The following IGSF3 variants were observed in gnomAD, a reference collection of about 807,000 sequenced individuals.
IGSF3 encodes glu-Trp-Ile EWI motif-containing protein 3.
Under a neutral mutation model 114.4 loss-of-function variants are expected in IGSF3, and 23 were observed. The ratio of observed to expected loss-of-function variants is 0.20; its 90% CI spans 0.14 to 0.28. The LOEUF is 0.28. IGSF3 is among the 10% of genes least tolerant of loss of function. The pLI is 1.00. For synonymous variants in IGSF3, 571 were observed against 645.2 expected, an observed-to-expected ratio of 0.88 and a Z score of 1.74; for missense variants, 1,172 against 1,591.5, an observed-to-expected ratio of 0.74 and a Z score of 4.48.
At position 116,596,308 on chromosome 1, in the gene IGSF3, G is replaced by A. The variant is rs112271091; in HGVS notation, c.2029+3633C>T. ...TATTTAACACAATATTCTTTAAAAC[G>A]GGGGTAGCAGGGGACATTTCTATGG... is the stretch of plus-strand genomic sequence containing the variant. On this transcript the variant is annotated intron_variant, in intron 7 of 10. Transcript: ENST00000369486. The surrounding 1 kb of genome is among the most constrained non-coding windows in gnomAD (Gnocchi z 4.1). Among the ~76,000 whole-genome samples, 3 of 152,136 alleles carry A rather than the reference G, an allele frequency of 2.0e-5. No homozygotes were observed. Among genetic ancestry groups the A allele is most frequent in the Non-Finnish European group, 2.9e-5 (2 of 68,030 alleles).
chr1:116,613,064 T>C (rs1188482884), intron 4 of IGSF3, among the ~76,000 whole-genome samples: 1 of 152,206 alleles, frequency 6.6e-6, no homozygotes. Flanking sequence ...ACAGTGGAAC[T>C]TGGTACTCTC....
Position 116,584,704 on chromosome 1 carries a change from A to G in IGSF3, c.2789T>C (p.Met930Thr), listed in dbSNP as rs1370045205. Residue 930 changes from methionine to threonine, a missense_variant, in exon 9 of 11, where the codon ATG becomes ACG. Transcript: ENST00000369486. The surrounding 1 kb of genome is among the most constrained non-coding windows in gnomAD (Gnocchi z 5.8). The part of the protein sequence containing the change: ...VEEWLPSPSG[M>T]WYKRAEDTAG... ...GGTGTCCTCTGCCCGCTTATACCAC[A>G]TGCCACTGGGGCTGGGCAGCCACTC... 1.1e-5 allele frequency: 17 copies of G among 1,613,746 alleles called. No individual in the cohort carries two copies. Among genetic ancestry groups the G allele is most frequent in the Non-Finnish European group, 1.4e-5 (17 of 1,179,714 alleles).
Position 116,657,892 on chromosome 1 carries a change from C to T in IGSF3, c.43+8392G>A, listed in dbSNP as rs1229139372. ...ACTGCACTACATCAAAGAAAGAACA[C>T]ACAACTGGTATCAGATTTTTTTTTC... On this transcript the variant is annotated intron_variant, in intron 2 of 10. Coordinates refer to ENST00000369486, the MANE Select transcript of IGSF3 (RefSeq NM_001007237.3). This position sits in a 1 kb window ranked among gnomAD's most constrained non-coding sequence, Gnocchi z 4.2. Among the ~76,000 whole-genome samples the T allele has an allele frequency of 6.6e-6, 1 of 152,118 alleles. No homozygotes were observed. The highest frequency in any genetic ancestry group is 2.4e-5 in the African/African-American group (1 of 41,418).
In IGSF3 at chr1:116,647,977, G is replaced by A. The variant is rs574686915; in HGVS notation, c.43+18307C>T. Among the ~76,000 whole-genome samples, 1 of 152,162 alleles carries A rather than the reference G, an allele frequency of 6.6e-6. No individual in the cohort carries two copies. The highest frequency in any genetic ancestry group is 2.4e-5 in the African/African-American group (1 of 41,430). The stretch of plus-strand genomic sequence containing the variant: ...AAATTAGCTGGGTGTGATGGCACAC[G>A]CCTGTAATCCTAGTTACTCGGGAGG... On this transcript the variant is annotated intron_variant, in intron 2 of 10. Transcript: ENST00000369486. This position sits in a 1 kb window ranked among gnomAD's most constrained non-coding sequence, Gnocchi z 4.6.
Position 116,650,296 on chromosome 1 carries a change from TCTGCTGGCCTCAACAAAC to T in IGSF3, c.43+15970_43+15987del, listed in dbSNP as rs1413471048. ...TCAGGGTTTTTCCCATCTCTTCCCG[TCTGCTGGCCTCAACAAAC>T]CTGCTTTCCTCATTGCAACAAGATG... is the stretch of plus-strand genomic sequence containing the variant. On this transcript the variant is annotated intron_variant, in intron 2 of 10. Coordinates refer to ENST00000369486, the MANE Select transcript of IGSF3 (RefSeq NM_001007237.3). The surrounding 1 kb of genome is among the most constrained non-coding windows in gnomAD (Gnocchi z 5.0). Among the ~76,000 whole-genome samples the T allele has an allele frequency of 2.0e-5, 3 of 152,214 alleles. No individual in the cohort carries two copies. Among genetic ancestry groups the T allele is most frequent in the Non-Finnish European group, 2.9e-5 (2 of 68,038 alleles).
chr1:116,604,139 C>T lies in IGSF3; in HGVS notation c.1223-114G>A. 3.1e-6 allele frequency: 3 copies of T among 971,520 alleles called. No individual in the cohort carries two copies. In the East Asian group the frequency reaches 7.9e-5, roughly 26 times the overall value. 60.2% of individuals were successfully genotyped at this position (971,520 alleles called of 1,614,324 possible). On this transcript the variant is annotated intron_variant, in intron 5 of 10. Coordinates refer to ENST00000369486, the MANE Select transcript of IGSF3 (RefSeq NM_001007237.3). ...GGAATCATATTCAGGTACGGTGAGC[C>T]TCAGAGGGTCAAAAACACTCTGACC...
rs890116344 is a variant in IGSF3 at position 116,583,566 on chromosome 1, A to C, written c.2848+1079T>G. 2.6e-5 allele frequency among the ~76,000 whole-genome samples: 4 copies of C among 152,186 alleles called. No individual in the cohort carries two copies. Among genetic ancestry groups the C allele is most frequent in the Admixed American group, 2.0e-4 (3 of 15,284 alleles). ...CAACGAAATGAGCTGCTCTACTCAG[A>C]CATGAAGACATGGTGAAAACTTCCA... On this transcript the variant is annotated intron_variant, in intron 9 of 10. Coordinates refer to ENST00000369486, the MANE Select transcript of IGSF3 (RefSeq NM_001007237.3). This position sits in a 1 kb window ranked among gnomAD's most constrained non-coding sequence, Gnocchi z 4.5.
In IGSF3 at chr1:116,595,857, A is replaced by G. The variant is rs1660321032; in HGVS notation, c.2029+4084T>C. Among the ~76,000 whole-genome samples the G allele has an allele frequency of 6.6e-6, 1 of 152,252 alleles. No homozygotes were observed. The highest frequency in any genetic ancestry group is 2.4e-5 in the African/African-American group (1 of 41,464). ...TTATGCTTCACAATTAAAAGAGAAA[A>G]GAACTGATTAAGAGCTAATAATCAA... On this transcript the variant is annotated intron_variant, in intron 7 of 10. Transcript: ENST00000369486. The surrounding 1 kb of genome is among the most constrained non-coding windows in gnomAD (Gnocchi z 4.2).
rs994543568 is a variant in IGSF3, at chr1:116,662,022, C to G, written c.43+4262G>C. Among the ~76,000 whole-genome samples, 1 of 151,958 alleles carries G rather than the reference C, an allele frequency of 6.6e-6. No individual in the cohort carries two copies. Among genetic ancestry groups the G allele is most frequent in the South Asian group, 2.1e-4 (1 of 4,822 alleles). On this transcript the variant is annotated intron_variant, in intron 2 of 10. Transcript: ENST00000369486. This position sits in a 1 kb window ranked among gnomAD's most constrained non-coding sequence, Gnocchi z 4.3. ...TAGAGAGCATGCACATGGAGCAAGA[C>G]AGCAGGAGCTTGGAGCCCTAACACT...
rs1168931566 is a variant in IGSF3, at chr1:116,588,951, T to C, written c.2183A>G (p.Lys728Arg). Reference protein sequence around the residue: ...YVHKPSDADGKLILKTTHNSA... With the variant: ...YVHKPSDADGRLILKTTHNSA... The stretch of plus-strand genomic sequence containing the variant: ...GTTGTGGGTGGTCTTCAGGATAAGC[T>C]TGCCATCGGCATCCGAGGGCTTGTG... The change falls in exon 8 of 11, where the codon AAG (lysine) becomes AGG (arginine). Residue 728 changes from lysine (K) to arginine (R), a missense_variant. Transcript: ENST00000369486. The surrounding 1 kb of genome is among the most constrained non-coding windows in gnomAD (Gnocchi z 4.9). 3 of 1,614,048 alleles carry C rather than the reference T, an allele frequency of 1.9e-6. No homozygotes were observed. Among genetic ancestry groups the C allele is most frequent in the Non-Finnish European group, 2.5e-6 (3 of 1,180,030 alleles).
Position 116,589,152 on chromosome 1 carries a change from G to A in IGSF3, c.2030-48C>T, listed in dbSNP as rs753023430. Reference sequence around the variant, plus strand: ...GGAATCACCACAGACTCCCAGAAACGTGGCCCATCCACCTCCAGGCTCTGA... The same window carrying A: ...GGAATCACCACAGACTCCCAGAAACATGGCCCATCCACCTCCAGGCTCTGA... On this transcript the variant is annotated intron_variant, in intron 7 of 10. Coordinates refer to ENST00000369486, the MANE Select transcript of IGSF3 (RefSeq NM_001007237.3). This position sits in a 1 kb window ranked among gnomAD's most constrained non-coding sequence, Gnocchi z 5.7. 1.1e-5 allele frequency: 17 copies of A among 1,543,562 alleles called. No homozygotes were observed. Among genetic ancestry groups the A allele is most frequent in the South Asian group, 4.8e-5 (4 of 83,466 alleles).
In IGSF3 at chr1:116,574,777, A is replaced by T. The variant is rs1311695092; in HGVS notation, c.*2535T>A. ...ACTAAAGCTCCAGTAGACAATGCGC[A>T]ATGAGGTCTCACAGCCACTGGAGGG... On this transcript the variant is annotated 3_prime_UTR_variant, in exon 11 of 11. Coordinates refer to ENST00000369486, the MANE Select transcript of IGSF3 (RefSeq NM_001007237.3). The surrounding 1 kb of genome is among the most constrained non-coding windows in gnomAD (Gnocchi z 5.2). 6.6e-6 allele frequency: 1 copy of T among 152,600 alleles called. No individual in the cohort carries two copies. The highest frequency in any genetic ancestry group is 1.9e-4 in the East Asian group (1 of 5,202). The allele number at this position is 152,600 out of a possible 1,614,324, so 9.5% of individuals were successfully genotyped here. A position where few individuals can be genotyped will look rare whatever the true frequency, so the allele number is the denominator to read the frequency against.
chr1:116,658,406 G>A (rs891843972), intron 2 of IGSF3, among the ~76,000 whole-genome samples: 7 of 151,728 alleles, frequency 4.6e-5, no homozygotes, highest in Non-Finnish European at 8.8e-5. Flanking sequence ...CCTTTGCTTC[G>A]ACCTCTGGGC....
In IGSF3 at chr1:116,600,213, G is replaced by A. The variant is rs199596005; in HGVS notation, c.1757C>T (p.Pro586Leu). 5.3e-4 allele frequency: 851 copies of A among 1,614,082 alleles called. 2 individuals carry two copies. Among genetic ancestry groups the A allele is most frequent in the South Asian group, 2.5e-3 (228 of 91,086 alleles). ...VPVSVTWRFQPVGTVEFHDLV... is the reference protein window; with the variant it reads ...VPVSVTWRFQLVGTVEFHDLV... ...GTCATGGAACTCCACCGTGCCCACC[G>A]GCTGGAACCGCCATGTCACCGACAC... Residue 586 changes from proline to leucine, a missense_variant, in exon 7 of 11, where the codon CCG becomes CTG. Physicochemically the swap from Pro to Leu is moderately conservative, Grantham distance 98 (BLOSUM62 -3). Coordinates refer to ENST00000369486, the MANE Select transcript of IGSF3 (RefSeq NM_001007237.3). The surrounding 1 kb of genome is among the most constrained non-coding windows in gnomAD (Gnocchi z 5.5).
chr1:116,651,946 C>CT lies in IGSF3; in HGVS notation c.43+14337dup, dbSNP rs1177369845. Among the ~76,000 whole-genome samples the CT allele has an allele frequency of 6.6e-6, 1 of 152,226 alleles. No individual in the cohort carries two copies. Among genetic ancestry groups the CT allele is most frequent in the Non-Finnish European group, 1.5e-5 (1 of 68,046 alleles). ...GATTATGTCTCCTCCATTTCACACA[C>CT]TGGCCAAGCATATAGCAGAACACAT... On this transcript the variant is annotated intron_variant, in intron 2 of 10. Coordinates refer to ENST00000369486, the MANE Select transcript of IGSF3 (RefSeq NM_001007237.3). This position sits in a 1 kb window ranked among gnomAD's most constrained non-coding sequence, Gnocchi z 4.4.
chr1:116,658,424 C>T (rs946128560), intron 2 of IGSF3, among the ~76,000 whole-genome samples: 1 of 152,048 alleles, frequency 6.6e-6, no homozygotes, highest in African/African-American at 2.4e-5. Flanking sequence ...GGCCCCCCAC[C>T]TTCAGAAATG....
At chr1:116,637,737 A>G (rs1647899038) in intron 2 of IGSF3, among the ~76,000 whole-genome samples, 2 of 152,244 alleles carry the variant, frequency 1.3e-5, no homozygotes, top group African/African-American at 2.4e-5. Context: ...GGGCCAGACC[A>G]TCAGTCTATC....
In IGSF3 at chr1:116,577,468, G is replaced by A. The variant is rs1436240002; in HGVS notation, c.3429C>T (p.Thr1143=). Residue 1143 remains threonine, a synonymous_variant, in exon 11 of 11, where the codon ACC becomes ACT. Coordinates refer to ENST00000369486, the MANE Select transcript of IGSF3 (RefSeq NM_001007237.3). This position sits in a 1 kb window ranked among gnomAD's most constrained non-coding sequence, Gnocchi z 5.7. ...GGCTCTTGAAACGCACCAGAAGGAT[G>A]GTGATGATAAGAATGCCAAAGATGG... ...PFPIFGILII[T]ILLVRFKSRN... is the part of the protein sequence containing the mutation. The A allele has an allele frequency of 1.9e-6, 3 of 1,614,164 alleles. No homozygotes were observed. The highest frequency in any genetic ancestry group is 2.5e-6 in the Non-Finnish European group (3 of 1,180,020).
Position 116,628,399 on chromosome 1 carries a change from CT to C in IGSF3, c.44-11943del, listed in dbSNP as rs965362219. The stretch of plus-strand genomic sequence containing the variant: ...GAAAGCAATCTGACTGGCTGGGAGA[CT>C]TTTTTTTTTAACCAGGCCCCCAGAG... On this transcript the variant is annotated intron_variant, in intron 2 of 10. Coordinates refer to ENST00000369486, the MANE Select transcript of IGSF3 (RefSeq NM_001007237.3). The surrounding 1 kb of genome is among the most constrained non-coding windows in gnomAD (Gnocchi z 4.2). 4.2e-3 allele frequency among the ~76,000 whole-genome samples: 627 copies of C among 149,080 alleles called. 7 individuals are homozygous for C. Among genetic ancestry groups the C allele is most frequent in the African/African-American group, 0.014 (589 of 40,730 alleles).
Sources: allele counts gnomAD v4.1 joint callset (sites outside exome capture counted in the v4.1 genomes callset), GRCh38; gene constraint gnomAD v4.1.1; non-coding constraint Gnocchi (gnomAD v3.1); transcripts MANE v1.5; gene names NCBI Gene and HGNC (gene_info 2026-07-23, HGNC 2026-07-21).